UQCRFS1: variants seen among roughly 807,000 people sequenced by gnomAD.
The protein encoded by UQCRFS1 is cytochrome b-c1 complex subunit Rieske, mitochondrial.
A neutral mutation model predicts 15.6 loss-of-function variants in UQCRFS1; 6 were observed. The observed-to-expected ratio is 0.38, with a 90% CI of 0.21 to 0.76. The LOEUF (loss-of-function observed/expected upper bound fraction) is 0.76. UQCRFS1 is among the 30% of genes least tolerant of loss of function. The probability of loss-of-function intolerance (pLI) is 0.44; values close to 1 mark genes in which losing one functional copy is unlikely to be tolerated. For missense variants in UQCRFS1, 203 were observed against 366.7 expected, an observed-to-expected ratio of 0.55 and a Z score of 3.65; for synonymous variants, 105 against 154.3, an observed-to-expected ratio of 0.68 and a Z score of 2.37.
At chr19:29,210,485 A>G (rs1042217414) in intron 1 of UQCRFS1, among the ~76,000 whole-genome samples, 2 of 150,002 alleles carry the variant, frequency 1.3e-5, no homozygotes, top group Non-Finnish European at 3.0e-5. Context: ...AGCATTAGGT[A>G]TATCTCCCAA....
intron 1 of UQCRFS1, 101 bp from the exon 2 acceptor site, chr19:29,208,259 A>C (rs1172054984): frequency 1.4e-6 from 2 of 1,442,088 alleles, no homozygotes; most frequent in African/African-American, 2.8e-5. Context: ...GTAAAAAATC[A>C]AATTCTAAAA....
At chr19:29,212,690 C>G (rs1976669943) in intron 1 of UQCRFS1, among the ~76,000 whole-genome samples, 1 of 152,184 alleles carries the variant, frequency 6.6e-6, no homozygotes, top group Non-Finnish European at 1.5e-5. Context: ...GTGAACTCGG[C>G]CGAGGAGGAA....
In UQCRFS1 at chr19:29,205,750, G is replaced by A. The variant is rs146499409; in HGVS notation, c.*1798C>T. On this transcript the variant is annotated 3_prime_UTR_variant, in exon 2 of 2. Transcript: ENST00000304863. ...GTAAAAATGTTAACACAGGTCTGCC[G>A]TATCCATTCAGCAAAACAGCATGAA... 26 of 152,232 alleles carry A rather than the reference G, an allele frequency of 1.7e-4. No homozygotes were observed. Among genetic ancestry groups the A allele is most frequent in the African/African-American group, 5.5e-4 (23 of 41,548 alleles). The allele number at this position is 152,232 out of a possible 1,614,324, so 9.4% of individuals were successfully genotyped here.
In UQCRFS1 at chr19:29,213,100, G is replaced by C; in HGVS notation, c.19C>G (p.Arg7Gly). The C allele has an allele frequency of 6.6e-7, 1 of 1,511,902 alleles. No individual in the cohort carries two copies. The highest frequency in any genetic ancestry group is 8.8e-7 in the Non-Finnish European group (1 of 1,137,346). 93.7% of individuals were successfully genotyped at this position (1,511,902 alleles called of 1,614,324 possible). Reference protein sequence around the residue: MLSVASRSGPFAPVLSA... With the variant: MLSVASGSGPFAPVLSA... ...AGGACGGGCGCGAACGGGCCTGAGCGGGATGCTACCGACAACATGGCGACA... is the reference window on the plus strand; with the variant it reads ...AGGACGGGCGCGAACGGGCCTGAGCCGGATGCTACCGACAACATGGCGACA... The change falls in exon 1 of 2, where the codon CGC becomes GGC. Residue 7 changes from arginine to glycine, a missense_variant. By Grantham distance (125) the Arg-to-Gly change is moderately radical. Around this residue, in one of 3 missense-constraint regions of UQCRFS1, gnomAD observed 20 missense variants for 59.3 expected, o/e 0.34. Transcript: ENST00000304863.
At chr19:29,209,097 G>C (rs1976619935) in intron 1 of UQCRFS1, among the ~76,000 whole-genome samples, 2 of 150,304 alleles carry the variant, frequency 1.3e-5, no homozygotes, top group Admixed American at 1.3e-4. Context: ...GAGTTTCTTT[G>C]GTAGTTTAAA....
intron 1 of UQCRFS1, among the ~76,000 whole-genome samples, chr19:29,211,625 G>A (rs1976650601): frequency 6.6e-6 from 1 of 152,208 alleles, no homozygotes. Flanking sequence ...AATACAGAGT[G>A]TAAAGTGTAT....
intron 1 of UQCRFS1, among the ~76,000 whole-genome samples, chr19:29,211,927 C>T (rs1401496354): frequency 6.6e-6 from 1 of 152,186 alleles, no homozygotes; most frequent in Non-Finnish European, 1.5e-5. Flanking sequence ...AGACCACTTG[C>T]TCCAACTGCG....
In UQCRFS1 at chr19:29,212,899, G is replaced by T. The variant is rs549764216; in HGVS notation, c.214+6C>A. 114 of 1,429,592 alleles carry T rather than the reference G, an allele frequency of 8.0e-5. No individual in the cohort carries two copies. The Middle Eastern group carries it at 2.3e-3, about 28-fold the overall frequency. The allele number at this position is 1,429,592 out of a possible 1,614,324, so 88.6% of individuals were successfully genotyped here. Reference sequence around the variant, plus strand: ...AGCCCTGCTCGCGGCCCTCGCCCCGGCTCACCATTGAGGCCCACGGAGGCG... The same window carrying T: ...AGCCCTGCTCGCGGCCCTCGCCCCGTCTCACCATTGAGGCCCACGGAGGCG... On this transcript the variant is annotated splice_donor_region_variant and intron_variant, in intron 1 of 1. Transcript: ENST00000304863.
At chr19:29,209,296 T>G (rs988911750) in intron 1 of UQCRFS1, among the ~76,000 whole-genome samples, 1 of 152,214 alleles carries the variant, frequency 6.6e-6, no homozygotes, top group Non-Finnish European at 1.5e-5. Context: ...TAAAAATTCC[T>G]CTTTTAGAAA....
chr19:29,213,138 G>T lies in UQCRFS1; in HGVS notation c.-20C>A, dbSNP rs1461552551. On this transcript the variant is annotated 5_prime_UTR_variant, in exon 1 of 2. Transcript: ENST00000304863. Reference sequence around the variant, plus strand: ...CAACATGGCGACAGCCGCTCCAACCGCCAAGCCGGTCACAGGGACGACCTT... The same window carrying T: ...CAACATGGCGACAGCCGCTCCAACCTCCAAGCCGGTCACAGGGACGACCTT... The T allele has an allele frequency of 2.6e-6, 4 of 1,519,536 alleles. No homozygotes were observed. Among genetic ancestry groups the T allele is most frequent in the Non-Finnish European group, 1.8e-6 (2 of 1,139,572 alleles). 94.1% of individuals were successfully genotyped at this position (1,519,536 alleles called of 1,614,324 possible).
At chr19:29,211,796 AG>A (rs1976653278) in intron 1 of UQCRFS1, among the ~76,000 whole-genome samples, 1 of 152,358 alleles carries the variant, frequency 6.6e-6, no homozygotes, top group South Asian at 2.1e-4. Flanking sequence ...CAGAGTAAAA[AG>A]AAAAGTGGCG....
At chr19:29,211,363 C>T (rs1379790378) in intron 1 of UQCRFS1, among the ~76,000 whole-genome samples, 2 of 152,176 alleles carry the variant, frequency 1.3e-5, no homozygotes, top group African/African-American at 2.4e-5. Flanking sequence ...TCCAAAGATG[C>T]TTTTCTTTTG....
At chr19:29,212,384 G>T (rs895240934) in intron 1 of UQCRFS1, among the ~76,000 whole-genome samples, 12 of 145,632 alleles carry the variant, frequency 8.2e-5, no homozygotes, top group South Asian at 2.2e-4. Flanking sequence ...TGTTTTTTTT[G>T]TTTTTTTTTT....
rs1976604676 is a variant in UQCRFS1 at position 29,207,412 on chromosome 19, C to T, written c.*136G>A. 9.2e-7 allele frequency: 1 copy of T among 1,090,976 alleles called. No homozygotes were observed. The highest frequency in any genetic ancestry group is 1.3e-6 in the Non-Finnish European group (1 of 776,412). 67.6% of individuals were successfully genotyped at this position (1,090,976 alleles called of 1,614,324 possible). A position where few individuals can be genotyped will look rare whatever the true frequency, so the allele number is the denominator to read the frequency against. ...ATTCAACATTAAATTCAATTTATTT[C>T]ACATTAATGTTTGCAAATACATCAT... On this transcript the variant is annotated 3_prime_UTR_variant, in exon 2 of 2. Coordinates refer to ENST00000304863, the MANE Select transcript of UQCRFS1 (RefSeq NM_006003.3).
In UQCRFS1 at chr19:29,210,812, A is replaced by G. The variant is rs775300272; in HGVS notation, c.214+2093T>C. 1.3e-5 allele frequency among the ~76,000 whole-genome samples: 2 copies of G among 152,144 alleles called. 1 individual carries two copies. The highest frequency in any genetic ancestry group is 1.3e-4 in the Admixed American group (2 of 15,274). On this transcript the variant is annotated intron_variant, in intron 1 of 1. Transcript: ENST00000304863. ...CTTTGCTATTGTGAATAGTGCCCCA[A>G]TAAACATACATGTAAATGTGTCTTT...
In UQCRFS1 at chr19:29,207,277, C is replaced by A. The variant is rs1568344461; in HGVS notation, c.*271G>T. ...ACAGATTTCACAAGTATCTTGTACACCAGTCTGTAATTTTTAATTAGAATT... is the reference window on the plus strand; with the variant it reads ...ACAGATTTCACAAGTATCTTGTACAACAGTCTGTAATTTTTAATTAGAATT... On this transcript the variant is annotated 3_prime_UTR_variant, in exon 2 of 2. Transcript: ENST00000304863. The A allele has an allele frequency of 6.0e-5, 20 of 330,778 alleles. No homozygotes were observed. In the East Asian group the frequency reaches 1.1e-3, roughly 17 times the overall value. 20.5% of individuals were successfully genotyped at this position (330,778 alleles called of 1,614,324 possible). A position where few individuals can be genotyped will look rare whatever the true frequency, so the allele number is the denominator to read the frequency against.
chr19:29,208,082 T>C lies in UQCRFS1; in HGVS notation c.291A>G (p.Leu97=), dbSNP rs747986972. The change falls in exon 2 of 2, where the codon TTA becomes TTG. Residue 97 remains leucine, a synonymous_variant. Coordinates refer to ENST00000304863, the MANE Select transcript of UQCRFS1 (RefSeq NM_006003.3). ...DFSEYRRLEV[L]DSTKSSRESS... ...TTTCTCTTGAAGACTTCGTACTATCTAAAACTTCAAGGCGGCGGTATTCAG... is the reference window on the plus strand; with the variant it reads ...TTTCTCTTGAAGACTTCGTACTATCCAAAACTTCAAGGCGGCGGTATTCAG... The C allele has an allele frequency of 1.9e-6, 3 of 1,614,110 alleles. No homozygotes were observed. In the South Asian group the frequency reaches 3.3e-5, roughly 18 times the overall value.
At position 29,206,641 on chromosome 19, in the gene UQCRFS1, A is replaced by G. The variant is rs138506165; in HGVS notation, c.*907T>C. The G allele has an allele frequency of 1.6e-4, 24 of 152,384 alleles. No homozygotes were observed. In the East Asian group the frequency reaches 4.3e-3, roughly 27 times the overall value. 9.4% of individuals were successfully genotyped at this position (152,384 alleles called of 1,614,324 possible). The stretch of plus-strand genomic sequence containing the variant: ...CACCATCTTACAGTGAAAAGTGCTG[A>G]GTGACTGTAAACCCAACAGGAAAAA... On this transcript the variant is annotated 3_prime_UTR_variant, in exon 2 of 2. Transcript: ENST00000304863.
chr19:29,210,004 G>GGT (rs1171234950), intron 1 of UQCRFS1, among the ~76,000 whole-genome samples: 1 of 151,968 alleles, frequency 6.6e-6, no homozygotes, highest in East Asian at 1.9e-4. Flanking sequence ...ATTTACATGA[G>GGT]CTGCATTAGG....
Sources: gnomAD v4.1 joint callset for allele counts (sites outside exome capture counted in the v4.1 genomes callset) on GRCh38, gnomAD v4.1.1 for gene constraint, gnomAD v4.1.1 regional missense constraint, MANE v1.5 for transcripts, NCBI Gene and HGNC (gene_info 2026-07-23, HGNC 2026-07-21) for gene names.